STON2: variants seen among roughly 807,000 people sequenced by gnomAD.
STON2 encodes stonin-2.
In STON2, 29 loss-of-function variants were observed where a neutral mutation model predicts 65.7. That is an observed-to-expected ratio of 0.44 (90% CI 0.33 to 0.60). The LOEUF (loss-of-function observed/expected upper bound fraction) is 0.60. Among genes scored for constraint, STON2 ranks in the 20% least tolerant of loss-of-function variants. The pLI, the probability that STON2 is intolerant of heterozygous loss-of-function variation, is 0.03. For missense variants in STON2, 1,054 were observed against 1,118.1 expected (o/e 0.94, Z 0.82); for synonymous variants, 404 against 414.2 (o/e 0.98, Z 0.30).
At position 81,262,779 on chromosome 14, in the gene STON2, TCA is replaced by T. The variant is rs1376399996; in HGVS notation, c.*5633_*5634del. ...GCACACTAGAAGAAATGTAAAAATC[TCA>T]CATTCTTGTTCTAGTTAATACATGG... On this transcript the variant is annotated 3_prime_UTR_variant, in exon 8 of 8. Transcript: ENST00000614646. 1 of 985,330 alleles carries T rather than the reference TCA, an allele frequency of 1.0e-6. No individual in the cohort carries two copies. Among genetic ancestry groups the T allele is most frequent in the Non-Finnish European group, 1.2e-6 (1 of 829,924 alleles). 61.0% of individuals were successfully genotyped at this position (985,330 alleles called of 1,614,324 possible).
chr14:81,398,441 T>G lies in STON2; in HGVS notation c.-59A>C, dbSNP rs1318736979. The G allele has an allele frequency of 5.6e-6, 8 of 1,425,252 alleles. No homozygotes were observed. In the African/African-American group the frequency reaches 5.6e-5, roughly 10 times the overall value. The allele number at this position is 1,425,252 out of a possible 1,614,324, so 88.3% of individuals were successfully genotyped here. A position where few individuals can be genotyped will look rare whatever the true frequency, so the allele number is the denominator to read the frequency against. Reference sequence around the variant, plus strand: ...ACCTCAGGTGAACCCCAGAATACTGTCTGGGGTGGGCTGGAGTAGGGGTAT... The same window carrying G: ...ACCTCAGGTGAACCCCAGAATACTGGCTGGGGTGGGCTGGAGTAGGGGTAT... On this transcript the variant is annotated 5_prime_UTR_variant, in exon 2 of 8. Transcript: ENST00000614646.
chr14:81,417,222 T>C (rs1380682902), intron 2 of STON2, among the ~76,000 whole-genome samples: 2 of 152,114 alleles, frequency 1.3e-5, no homozygotes, highest in Admixed American at 1.3e-4. Flanking sequence ...ATTCACACAA[T>C]GCGACAAAAA....
At chr14:81,385,414 T>G in intron 3 of STON2, among the ~76,000 whole-genome samples, 1 of 140,454 alleles carries the variant, frequency 7.1e-6, no homozygotes, top group East Asian at 1.9e-4. Context: ...TGTAGTTGTG[T>G]ATGTGTATGT....
intron 1 of STON2, among the ~76,000 whole-genome samples, chr14:81,399,422 A>C (rs1900491513): frequency 6.6e-6 from 1 of 152,218 alleles, no homozygotes; most frequent in Non-Finnish European, 1.5e-5. Context: ...GTTCTTATTA[A>C]CTAAATATAC....
chr14:81,298,996 A>G (rs1362864200), intron 5 of STON2, among the ~76,000 whole-genome samples: 2 of 152,224 alleles, frequency 1.3e-5, no homozygotes, highest in African/African-American at 4.8e-5. Context: ...TCCCACCTCT[A>G]CCACCAAAAT....
rs111302684 is a variant in STON2, at chr14:81,268,129, C to G, written c.*285G>C. ...ACCAGTGCTGTGAGATAAGCAGAGA[C>G]AAGACAAGGAGGCTTAATTATACAG... On this transcript the variant is annotated 3_prime_UTR_variant, in exon 8 of 8. Coordinates refer to ENST00000614646, the MANE Select transcript of STON2 (RefSeq NM_001394390.1). 9.3e-3 allele frequency: 9,883 copies of G among 1,058,914 alleles called. 55 individuals are homozygous for G. The highest frequency in any genetic ancestry group is 0.01 in the Non-Finnish European group (9,045 of 874,286). 65.6% of individuals were successfully genotyped at this position (1,058,914 alleles called of 1,614,324 possible).
chr14:81,353,715 CG>C (rs1200710733), intron 4 of STON2, among the ~76,000 whole-genome samples: 1 of 152,146 alleles, frequency 6.6e-6, no homozygotes, highest in Non-Finnish European at 1.5e-5. Flanking sequence ...AGTAAGCCCA[CG>C]GTCATTTCAC....
At chr14:81,394,457 C>T (rs1900220371) in intron 3 of STON2, among the ~76,000 whole-genome samples, 1 of 151,888 alleles carries the variant, frequency 6.6e-6, no homozygotes, top group Non-Finnish European at 1.5e-5. Flanking sequence ...CCATTCTACC[C>T]CAAGATGTCC....
At chr14:81,423,342 A>C (rs1352536321) in intron 2 of STON2, among the ~76,000 whole-genome samples, 1 of 152,202 alleles carries the variant, frequency 6.6e-6, no homozygotes, top group Non-Finnish European at 1.5e-5. Context: ...TCTCTGGAAA[A>C]ATACACATAC....
chr14:81,321,734 A>G (rs1896827923), intron 5 of STON2, among the ~76,000 whole-genome samples: 1 of 152,228 alleles, frequency 6.6e-6, no homozygotes, highest in Non-Finnish European at 1.5e-5. Flanking sequence ...TTCTAAAAAC[A>G]TACCAAACAG....
intron 4 of STON2, chr14:81,333,314 T>C (rs528834447): frequency 1.4e-5 from 9 of 642,236 alleles, no homozygotes; most frequent in African/African-American, 1.1e-4. Flanking sequence ...TCTGAAGTCG[T>C]TGGTTGGTCA....
intron 5 of STON2, among the ~76,000 whole-genome samples, chr14:81,285,253 G>A (rs1016790719): frequency 5.9e-5 from 9 of 152,194 alleles, no homozygotes; most frequent in Admixed American, 5.9e-4. Context: ...CAACCTCCTG[G>A]AAAGGATTCA....
intron 1 of STON2, among the ~76,000 whole-genome samples, chr14:81,432,941 G>A (rs2139934787): frequency 6.6e-6 from 1 of 152,290 alleles, no homozygotes; most frequent in East Asian, 1.9e-4. Flanking sequence ...CCTTAGTTTA[G>A]TGGTTTTCAA....
intron 6 of STON2, among the ~76,000 whole-genome samples, chr14:81,276,215 T>C (rs979073009): frequency 6.6e-6 from 1 of 152,230 alleles, no homozygotes; most frequent in South Asian, 2.1e-4. Flanking sequence ...CACAAAAGCA[T>C]CCCTGATAGC....
intron 6 of STON2, among the ~76,000 whole-genome samples, chr14:81,273,596 G>C (rs1452788856): frequency 6.6e-6 from 1 of 152,150 alleles, no homozygotes. Context: ...GCTCAGAGAG[G>C]GGAGCTGCCC....
chr14:81,354,647 G>A (rs962835619), intron 4 of STON2, among the ~76,000 whole-genome samples: 13 of 152,102 alleles, frequency 8.5e-5, no homozygotes, highest in African/African-American at 2.9e-4. Flanking sequence ...ATACATGAAC[G>A]AGAATTTTGA....
At chr14:81,346,465 C>A (rs1235872030) in intron 4 of STON2, among the ~76,000 whole-genome samples, 2 of 152,180 alleles carry the variant, frequency 1.3e-5, no homozygotes, top group Non-Finnish European at 2.9e-5. Context: ...CATTAGGACA[C>A]AGGCACCACA....
intron 4 of STON2, among the ~76,000 whole-genome samples, chr14:81,346,829 G>T (rs970643570): frequency 6.6e-6 from 1 of 152,148 alleles, no homozygotes; most frequent in Non-Finnish European, 1.5e-5. Context: ...CAACCATGGG[G>T]TCAATAAGAA....
chr14:81,360,444 T>C (rs1399604602), intron 4 of STON2, among the ~76,000 whole-genome samples: 1 of 152,106 alleles, frequency 6.6e-6, no homozygotes, highest in South Asian at 2.1e-4. Flanking sequence ...TCTAATTAGA[T>C]ACAGCAAAAA....
Sources: gnomAD v4.1 joint callset for allele counts (sites outside exome capture counted in the v4.1 genomes callset) on GRCh38, gnomAD v4.1.1 for gene constraint, MANE v1.5 for transcripts, NCBI Gene and HGNC (gene_info 2026-07-23, HGNC 2026-07-21) for gene names.